The following GALNT13 variants were observed in gnomAD, a reference collection of about 807,000 sequenced individuals.
GALNT13 encodes polypeptide N-acetylgalactosaminyltransferase 13.
Under a neutral mutation model 64.2 loss-of-function variants are expected in GALNT13, and 28 were observed. The ratio of observed to expected loss-of-function variants is 0.44; its 90% CI spans 0.32 to 0.60. The LOEUF (loss-of-function observed/expected upper bound fraction) is 0.60. Ranked by LOEUF, GALNT13 falls within the 20% of genes least tolerant of loss-of-function variation. The pLI, the probability that GALNT13 is intolerant of heterozygous loss-of-function variation, is 0.05. For missense variants in GALNT13, 577 were observed against 669.8 expected, an observed-to-expected ratio of 0.86 and a Z score of 1.53; for synonymous variants, 214 against 224.6, an observed-to-expected ratio of 0.95 and a Z score of 0.42.
At chr2:154,421,743 A>T (rs1276224192) in intron 11 of GALNT13, among the ~76,000 whole-genome samples, 1 of 152,196 alleles carries the variant, frequency 6.6e-6, no homozygotes. Context: ...GCAGTATGAA[A>T]TGGGTTTTTT....
At chr2:154,324,808 G>A (rs1358874689) in intron 9 of GALNT13, among the ~76,000 whole-genome samples, 1 of 152,034 alleles carries the variant, frequency 6.6e-6, no homozygotes, top group Non-Finnish European at 1.5e-5. Context: ...GCAGGAGTGT[G>A]GTTGCTTGGC....
the GALNT13 span, among the ~76,000 whole-genome samples, chr2:153,506,816 C>A: frequency 1.3e-5 from 2 of 152,310 alleles, no homozygotes; most frequent in Non-Finnish European, 2.9e-5. Flanking sequence ...GACTATGTGC[C>A]TAGGCAATGA....
chr2:153,408,857 G>C, the GALNT13 span, among the ~76,000 whole-genome samples: 2 of 152,124 alleles, frequency 1.3e-5, no homozygotes, highest in Non-Finnish European at 2.9e-5. Context: ...CTTAACATTT[G>C]AGTCAGTGGA....
intron 3 of GALNT13, among the ~76,000 whole-genome samples, chr2:154,021,752 G>A (rs1697517116): frequency 6.6e-6 from 1 of 151,608 alleles, no homozygotes; most frequent in Admixed American, 6.6e-5. Flanking sequence ...AATAGGAGTG[G>A]TGAGAGAGGG....
At chr2:153,520,548 AT>A in the GALNT13 span, among the ~76,000 whole-genome samples, 1 of 152,100 alleles carries the variant, frequency 6.6e-6, no homozygotes, top group African/African-American at 2.4e-5. Context: ...TTATTTCTTT[AT>A]TTTCTGGTCA....
chr2:153,951,798 A>G (rs10931847), intron 3 of GALNT13, among the ~76,000 whole-genome samples: 100 of 152,300 alleles, frequency 6.6e-4, no homozygotes, highest in African/African-American at 2.3e-3. Flanking sequence ...TTTTTCTAAA[A>G]TGGATTACAT....
the GALNT13 span, among the ~76,000 whole-genome samples, chr2:153,500,798 G>C: frequency 6.6e-6 from 1 of 152,072 alleles, no homozygotes; most frequent in African/African-American, 2.4e-5. Context: ...TCAAAAACCT[G>C]ATTGACAAAG....
At chr2:154,317,229 G>T (rs1015153497) in intron 9 of GALNT13, among the ~76,000 whole-genome samples, 6 of 147,894 alleles carry the variant, frequency 4.1e-5, no homozygotes, top group Admixed American at 1.3e-4. Flanking sequence ...AAAAAAAGAA[G>T]AATGGTGTAG....
chr2:153,140,448 A>G, the GALNT13 span, among the ~76,000 whole-genome samples: 1 of 152,042 alleles, frequency 6.6e-6, no homozygotes, highest in South Asian at 2.1e-4. Context: ...TATTTTCATA[A>G]AAGGTGAAGA....
At chr2:154,369,856 G>A (rs1469183427) in intron 9 of GALNT13, among the ~76,000 whole-genome samples, 1 of 152,092 alleles carries the variant, frequency 6.6e-6, no homozygotes. Context: ...TTCTCGCTGT[G>A]TGCTCACATG....
the GALNT13 span, among the ~76,000 whole-genome samples, chr2:153,769,350 G>A: frequency 1.3e-5 from 2 of 152,090 alleles, no homozygotes; most frequent in African/African-American, 4.8e-5. Context: ...GGTTAGTGTG[G>A]CAGGATACAA....
the GALNT13 span, among the ~76,000 whole-genome samples, chr2:153,167,918 A>G: frequency 2.6e-5 from 4 of 152,224 alleles, no homozygotes; most frequent in African/African-American, 7.2e-5. Context: ...TAAGACCGTA[A>G]GTGGTACAGC....
intron 3 of GALNT13, among the ~76,000 whole-genome samples, chr2:154,065,913 T>C (rs1190764434): frequency 1.3e-5 from 2 of 151,620 alleles, no homozygotes; most frequent in African/African-American, 2.4e-5. Flanking sequence ...CCCAGAGAGA[T>C]AGAAATATGT....
At chr2:154,426,264 CG>C (rs1434283999) in intron 11 of GALNT13, among the ~76,000 whole-genome samples, 2 of 152,182 alleles carry the variant, frequency 1.3e-5, no homozygotes, top group Non-Finnish European at 2.9e-5. Flanking sequence ...GGCTGCCCTC[CG>C]TTATGTGCCA....
chr2:154,378,586 G>T (rs193136395), intron 9 of GALNT13, among the ~76,000 whole-genome samples: 260 of 152,254 alleles, frequency 1.7e-3, no homozygotes, highest in African/African-American at 5.8e-3. Context: ...TCTTACAAAA[G>T]TATGTAACAA....
chr2:153,255,545 A>G, the GALNT13 span, among the ~76,000 whole-genome samples: 2 of 151,542 alleles, frequency 1.3e-5, no homozygotes, highest in African/African-American at 4.9e-5. Flanking sequence ...TCGTTAGTTG[A>G]TGCAGTTTCT....
At chr2:154,198,598 G>A (rs1279733246) in intron 4 of GALNT13, among the ~76,000 whole-genome samples, 5 of 151,732 alleles carry the variant, frequency 3.3e-5, no homozygotes, top group Non-Finnish European at 5.9e-5. Flanking sequence ...AACTTACAGG[G>A]AACAAGACTT....
At chr2:153,471,779 A>G in the GALNT13 span, among the ~76,000 whole-genome samples, 1 of 152,184 alleles carries the variant, frequency 6.6e-6, no homozygotes, top group Non-Finnish European at 1.5e-5. Context: ...CATATATCTC[A>G]AGATACAGAT....
chr2:154,393,932 G>C (rs1054060708), intron 9 of GALNT13, among the ~76,000 whole-genome samples: 57 of 150,144 alleles, frequency 3.8e-4, no homozygotes, highest in Non-Finnish European at 4.3e-4. Context: ...CAAAAAATTA[G>C]CCGGGCGTAG....
Sources: allele counts gnomAD v4.1 joint callset (sites outside exome capture counted in the v4.1 genomes callset), GRCh38; gene constraint gnomAD v4.1.1; transcripts MANE v1.5; gene names NCBI Gene and HGNC (gene_info 2026-07-23, HGNC 2026-07-21).